The following ARMC8 variants were observed in gnomAD, a reference collection of about 807,000 sequenced individuals.
ARMC8 encodes the protein armadillo repeat containing 8.
ARMC8 carries 20 observed loss-of-function variants against 99.3 expected under a neutral mutation model. The observed-to-expected ratio is 0.20, with a 90% CI of 0.14 to 0.29. The LOEUF (loss-of-function observed/expected upper bound fraction) is 0.29. Ranked by LOEUF, ARMC8 falls within the 10% of genes least tolerant of loss-of-function variation. The pLI is 1.00. For synonymous variants in ARMC8, 263 were observed against 278.3 expected (o/e 0.95, Z 0.55); for missense variants, 569 against 809.5 (o/e 0.70, Z 3.60).
chr3:138,223,815 C>A (rs1432834222), intron 5 of ARMC8, 82 bp downstream of exon 5: 1 of 1,182,814 alleles, frequency 8.5e-7, no homozygotes, highest in Admixed American at 1.8e-5. Flanking sequence ...TCAGACTCAT[C>A]ATAACTGTGT....
chr3:138,223,211 C>G (rs2045499909), intron 3 of ARMC8, among the ~76,000 whole-genome samples, 178 bp from the exon 4 acceptor site: 1 of 152,134 alleles, frequency 6.6e-6, no homozygotes, highest in South Asian at 2.1e-4. Context: ...AAAACCTCTT[C>G]TAGATTTTTT....
chr3:138,271,890 G>A (rs1011371531), intron 16 of ARMC8, among the ~76,000 whole-genome samples: 2 of 151,354 alleles, frequency 1.3e-5, no homozygotes, highest in African/African-American at 4.9e-5. Context: ...CTGCCTCCTG[G>A]GTTCAAGTGA....
chr3:138,228,348 C>T (rs1303863742), intron 5 of ARMC8, among the ~76,000 whole-genome samples: 1 of 152,150 alleles, frequency 6.6e-6, no homozygotes, highest in African/African-American at 2.4e-5. Flanking sequence ...TTCTCTTTTT[C>T]TGTGCTTTTA....
chr3:138,266,733 C>T (rs1360181360), intron 14 of ARMC8, among the ~76,000 whole-genome samples: 1 of 152,140 alleles, frequency 6.6e-6, no homozygotes. Flanking sequence ...TTCGTCAGTG[C>T]TCCTGGTCAA....
At chr3:138,235,272 TA>T (rs35705979) in intron 7 of ARMC8, among the ~76,000 whole-genome samples, 158 bp downstream of exon 7, 1,991 of 139,204 alleles carry the variant, frequency 0.014, 18 homozygotes, top group East Asian at 0.078. Context: ...GAATGCTCTT[TA>T]AAAAAAAAAA....
At chr3:138,253,333 A>G (rs1366406312) in intron 12 of ARMC8, among the ~76,000 whole-genome samples, 2 of 152,146 alleles carry the variant, frequency 1.3e-5, no homozygotes, top group African/African-American at 4.8e-5. Context: ...CTTAATTGTC[A>G]TACCACCCTA....
chr3:138,247,959 A>G (rs2046958338), intron 12 of ARMC8, among the ~76,000 whole-genome samples: 1 of 152,222 alleles, frequency 6.6e-6, no homozygotes, highest in Non-Finnish European at 1.5e-5. Flanking sequence ...TCGTACACAG[A>G]GTGACTTTTT....
intron 21 of ARMC8, among the ~76,000 whole-genome samples, chr3:138,293,482 T>C (rs2051180536): frequency 6.6e-6 from 1 of 151,836 alleles, no homozygotes; most frequent in Non-Finnish European, 1.5e-5. Flanking sequence ...GAGATCGTGG[T>C]GAGCCGAGAT....
At chr3:138,245,913 C>A (rs911910717) in intron 12 of ARMC8, 20 of 985,324 alleles carry the variant, frequency 2.0e-5, no homozygotes, top group Non-Finnish European at 2.3e-5. Flanking sequence ...ATAAATTCTA[C>A]ACAAGGCTTT....
intron 6 of ARMC8, among the ~76,000 whole-genome samples, chr3:138,231,509 A>G (rs2046027310): frequency 6.6e-6 from 1 of 152,190 alleles, no homozygotes; most frequent in Non-Finnish European, 1.5e-5. Context: ...TTTCTGATTT[A>G]TTGAGCAGAA....
At chr3:138,284,895 TC>T (rs1055736531) in intron 19 of ARMC8, among the ~76,000 whole-genome samples, 1 of 152,186 alleles carries the variant, frequency 6.6e-6, no homozygotes, top group African/African-American at 2.4e-5. Flanking sequence ...GCACCATAGT[TC>T]CTTTACCTGT....
At position 138,276,462 on chromosome 3, in the gene ARMC8, C is replaced by T. The variant is rs545835067; in HGVS notation, c.1725+1918C>T. 5.9e-4 allele frequency among the ~76,000 whole-genome samples: 89 copies of T among 152,122 alleles called. No individual in the cohort carries two copies. In the Middle Eastern group the frequency reaches 0.01, roughly 18 times the overall value. Reference sequence around the variant, plus strand: ...TTCAACATTGTGCTGGAATTCCTACCAAGCACAAGAAGGCAAGAAAAAGAA... The same window carrying T: ...TTCAACATTGTGCTGGAATTCCTACTAAGCACAAGAAGGCAAGAAAAAGAA... On this transcript the variant is annotated intron_variant, in intron 18 of 21. Transcript: ENST00000469044.
At chr3:138,229,496 T>C (rs2045928387) in intron 6 of ARMC8, among the ~76,000 whole-genome samples, 1 of 151,894 alleles carries the variant, frequency 6.6e-6, no homozygotes, top group East Asian at 1.9e-4. Flanking sequence ...AAATAAAATT[T>C]TGGGGTCAAA....
chr3:138,272,416 T>G (rs180860249), intron 16 of ARMC8, among the ~76,000 whole-genome samples: 1 of 152,326 alleles, frequency 6.6e-6, no homozygotes, highest in East Asian at 1.9e-4. Flanking sequence ...CTTAAGACAT[T>G]CAAATGTCTG....
chr3:138,242,566 T>A (rs1457823737), intron 11 of ARMC8, among the ~76,000 whole-genome samples: 1 of 152,212 alleles, frequency 6.6e-6, no homozygotes, highest in African/African-American at 2.4e-5. Flanking sequence ...TTTTGACTTG[T>A]TGCATCTCAG....
chr3:138,215,080 G>T (rs888243874), intron 2 of ARMC8, among the ~76,000 whole-genome samples: 10 of 152,170 alleles, frequency 6.6e-5, no homozygotes, highest in Non-Finnish European at 1.5e-4. Flanking sequence ...AATTCGATAG[G>T]ATTATCCAGG....
intron 2 of ARMC8, among the ~76,000 whole-genome samples, chr3:138,210,417 T>G (rs758919857): frequency 2.0e-5 from 3 of 152,224 alleles, no homozygotes; most frequent in Non-Finnish European, 2.9e-5. Flanking sequence ...GGAAACATTT[T>G]TAAGCAACAT....
chr3:138,222,232 T>C (rs976665627), intron 3 of ARMC8, among the ~76,000 whole-genome samples: 1 of 152,216 alleles, frequency 6.6e-6, no homozygotes, highest in African/African-American at 2.4e-5. Context: ...AGGAAGACCT[T>C]TGACCTGATG....
intron 12 of ARMC8, among the ~76,000 whole-genome samples, chr3:138,249,429 A>G (rs1202887707): frequency 6.6e-6 from 1 of 151,782 alleles, no homozygotes; most frequent in East Asian, 1.9e-4. Context: ...ATGGTATTGT[A>G]CTTGCTTCAT....
Sources: gnomAD v4.1 joint callset for allele counts (sites outside exome capture counted in the v4.1 genomes callset) on GRCh38, gnomAD v4.1.1 for gene constraint, MANE v1.5 for transcripts, NCBI Gene and HGNC (gene_info 2026-07-23, HGNC 2026-07-21) for gene names.